Variants in RBFOX3 observed in about 807,000 individuals in gnomAD.
RBFOX3 encodes the protein RNA binding protein fox-1 homolog 3.
In RBFOX3, 17 loss-of-function variants were observed where a neutral mutation model predicts 48.7. The ratio of observed to expected loss-of-function variants is 0.35; its 90% CI spans 0.24 to 0.52. The LOEUF (loss-of-function observed/expected upper bound fraction) is 0.52. RBFOX3 is among the 20% of genes least tolerant of loss of function. The pLI is 0.94. For missense variants in RBFOX3, 382 were observed against 497.5 expected, an observed-to-expected ratio of 0.77 and a Z score of 2.21; for synonymous variants, 212 against 209.5, an observed-to-expected ratio of 1.01 and a Z score of -0.10.
intron 2 of RBFOX3, among the ~76,000 whole-genome samples, chr17:79,440,490 A>G (rs1246225115): frequency 6.6e-5 from 10 of 152,006 alleles, no homozygotes; most frequent in African/African-American, 2.4e-4. Flanking sequence ...AGACCAGGGG[A>G]GCCGAAGCCG....
In RBFOX3 at chr17:79,096,738, G is replaced by A. The variant is rs1382541553; in HGVS notation, c.851C>T (p.Pro284Leu). 5 of 1,536,784 alleles carry A rather than the reference G, an allele frequency of 3.3e-6. No homozygotes were observed. The highest frequency in any genetic ancestry group is 3.5e-6 in the Non-Finnish European group (4 of 1,133,558). The change falls in exon 12 of 15, where the codon CCC (proline) becomes CTC (leucine). Residue 284 changes from proline (P) to leucine (L), a missense_variant. Pro to Leu is a moderately conservative substitution (Grantham distance 98). Around this residue, in one of 3 missense-constraint regions of RBFOX3, gnomAD observed 215 missense variants for 254.8 expected, o/e 0.84. Transcript: ENST00000693108. Reference protein sequence around the residue: ...PPQQTPEPAYPTSPAFPPLSC... With the variant: ...PPQQTPEPAYLTSPAFPPLSC... ...AAGTGGTGGGAACGCTGGAGAGGTG[G>A]GGTAGGCCGGCTCCGGTGTCTGCTG...
intron 5 of RBFOX3, among the ~76,000 whole-genome samples, chr17:79,108,849 G>A (rs1184514330): frequency 2.0e-5 from 3 of 152,344 alleles, no homozygotes; most frequent in East Asian, 1.9e-4. Flanking sequence ...CTTCCCTGGC[G>A]ACAGCCCCTG....
rs1014373864 is a variant in RBFOX3 at position 79,252,462 on chromosome 17, C to T, written c.-73-16657G>A. On this transcript the variant is annotated intron_variant, in intron 3 of 14. Coordinates refer to ENST00000693108, the MANE Select transcript of RBFOX3 (RefSeq NM_001350451.2). The surrounding 1 kb of genome is among the most constrained non-coding windows in gnomAD (Gnocchi z 4.0). ...CACTCTGACCCTCCCTCTCTTCCTC[C>T]CCCATCCTCCAATCCATCATTGACT... 6.6e-6 allele frequency among the ~76,000 whole-genome samples: 1 copy of T among 152,136 alleles called. No individual in the cohort carries two copies. The highest frequency in any genetic ancestry group is 1.5e-5 in the Non-Finnish European group (1 of 68,022).
At chr17:79,191,459 A>C (rs1273009552) in intron 4 of RBFOX3, among the ~76,000 whole-genome samples, 1 of 152,224 alleles carries the variant, frequency 6.6e-6, no homozygotes, top group Non-Finnish European at 1.5e-5. Context: ...CTGCCCCTGC[A>C]TGCCCCCTAA....
In RBFOX3 at chr17:79,482,856, T is replaced by C. The variant is rs2078961233; in HGVS notation, c.-319-258A>G. On this transcript the variant is annotated intron_variant, in intron 1 of 14. Coordinates refer to ENST00000693108, the MANE Select transcript of RBFOX3 (RefSeq NM_001350451.2). The surrounding 1 kb of genome is among the most constrained non-coding windows in gnomAD (Gnocchi z 4.1). ...TGCCAAACAGCCACCGTGCAGTCCA[T>C]CCCAGGGTCCGCCCCTCTCCCAGCC... Among the ~76,000 whole-genome samples the C allele has an allele frequency of 6.6e-6, 1 of 151,892 alleles. No homozygotes were observed.
Position 79,421,205 on chromosome 17 carries a change from C to A in RBFOX3, c.-175+61249G>T, listed in dbSNP as rs181126404. On this transcript the variant is annotated intron_variant, in intron 2 of 14. Coordinates refer to ENST00000693108, the MANE Select transcript of RBFOX3 (RefSeq NM_001350451.2). The surrounding 1 kb of genome is among the most constrained non-coding windows in gnomAD (Gnocchi z 4.5). ...ACAGGCCTCCATGCCCTAACCTCCGCGGCCGCTTCTCTCAGCTGGTTCCAC... is the reference window on the plus strand; with the variant it reads ...ACAGGCCTCCATGCCCTAACCTCCGAGGCCGCTTCTCTCAGCTGGTTCCAC... 2.9e-4 allele frequency among the ~76,000 whole-genome samples: 44 copies of A among 152,344 alleles called. No homozygotes were observed. Among genetic ancestry groups the A allele is most frequent in the African/African-American group, 1.0e-3 (42 of 41,574 alleles).
At chr17:79,523,681 C>T (rs1181697738) in intron 1 of RBFOX3, among the ~76,000 whole-genome samples, 3 of 152,150 alleles carry the variant, frequency 2.0e-5, no homozygotes, top group Non-Finnish European at 4.4e-5. Flanking sequence ...GCCAGGATTC[C>T]GGTGAGGGAT....
chr17:79,318,661 T>C (rs1279499256), intron 2 of RBFOX3, among the ~76,000 whole-genome samples: 2 of 151,900 alleles, frequency 1.3e-5, no homozygotes, highest in East Asian at 3.9e-4. Flanking sequence ...TAGACCATCC[T>C]GGCTAACACG....
rs1047857509 is a variant in RBFOX3, at chr17:79,361,420, T to C, written c.-174-53596A>G. On this transcript the variant is annotated intron_variant, in intron 2 of 14. Coordinates refer to ENST00000693108, the MANE Select transcript of RBFOX3 (RefSeq NM_001350451.2). The surrounding 1 kb of genome is among the most constrained non-coding windows in gnomAD (Gnocchi z 4.5). The stretch of plus-strand genomic sequence containing the variant: ...GTGGAAAGATTAAACATCTCTCAGA[T>C]GCTGGGAGGACCCTCACGGTGGCCC... 6.6e-6 allele frequency among the ~76,000 whole-genome samples: 1 copy of C among 152,204 alleles called. No homozygotes were observed. The highest frequency in any genetic ancestry group is 2.4e-5 in the African/African-American group (1 of 41,452).
At chr17:79,375,353 C>T (rs1351310168) in intron 2 of RBFOX3, among the ~76,000 whole-genome samples, 2 of 98,582 alleles carry the variant, frequency 2.0e-5, no homozygotes, top group African/African-American at 7.2e-5. Context: ...GTTAGGAAGA[C>T]AGAAGACACA....
chr17:79,482,736 G>A lies in RBFOX3; in HGVS notation c.-319-138C>T, dbSNP rs1028593183. ...AACTGTTTGCCACCAGGGATCGAGG[G>A]ATTGAGGGATCAGCACCCTCCAAAG... On this transcript the variant is annotated intron_variant, in intron 1 of 14. Coordinates refer to ENST00000693108, the MANE Select transcript of RBFOX3 (RefSeq NM_001350451.2). The surrounding 1 kb of genome is among the most constrained non-coding windows in gnomAD (Gnocchi z 4.1). 6.6e-5 allele frequency: 10 copies of A among 152,284 alleles called. No homozygotes were observed. The highest frequency in any genetic ancestry group is 1.9e-4 in the African/African-American group (8 of 41,518). The allele number at this position is 152,284 out of a possible 1,614,324, so 9.4% of individuals were successfully genotyped here.
Position 79,362,196 on chromosome 17 carries a change from G to A in RBFOX3, c.-174-54372C>T, listed in dbSNP as rs1043697071. Among the ~76,000 whole-genome samples the A allele has an allele frequency of 5.3e-5, 8 of 152,222 alleles. No homozygotes were observed. Among genetic ancestry groups the A allele is most frequent in the South Asian group, 4.1e-4 (2 of 4,828 alleles). On this transcript the variant is annotated intron_variant, in intron 2 of 14. Coordinates refer to ENST00000693108, the MANE Select transcript of RBFOX3 (RefSeq NM_001350451.2). This position sits in a 1 kb window ranked among gnomAD's most constrained non-coding sequence, Gnocchi z 4.2. ...CAGAGTTTGCCTCCTGCCTCACACC[G>A]GGGTCTTTCAGCCTGAGGTGAGCGC...
At chr17:79,172,719 G>A (rs950773612) in intron 4 of RBFOX3, among the ~76,000 whole-genome samples, 5 of 152,202 alleles carry the variant, frequency 3.3e-5, no homozygotes, top group South Asian at 2.1e-4. Flanking sequence ...TCCTGGAAAC[G>A]TGGCTTGTCT....
chr17:79,611,130 T>TCTCTCCC (rs1491548376), upstream of RBFOX3, among the ~76,000 whole-genome samples: 33 of 37,816 alleles, frequency 8.7e-4, 1 homozygote, highest in South Asian at 9.4e-4. Flanking sequence ...TCCGCCCTCC[T>TCTCTCCC]TCTCTCTCTC....
At chr17:79,239,904 T>A (rs1454492727) in intron 3 of RBFOX3, among the ~76,000 whole-genome samples, 2 of 152,264 alleles carry the variant, frequency 1.3e-5, no homozygotes, top group Non-Finnish European at 2.9e-5. Flanking sequence ...TCTTGGGGAA[T>A]CCCAGCCACG....
intron 3 of RBFOX3, among the ~76,000 whole-genome samples, chr17:79,263,270 C>G (rs1305472256): frequency 6.6e-6 from 1 of 152,256 alleles, no homozygotes; most frequent in Non-Finnish European, 1.5e-5. Context: ...GATTTCTGCT[C>G]TTTCCTCTCT....
At chr17:79,092,032 T>C in intron 14 of RBFOX3, 1 of 985,422 alleles carries the variant, frequency 1.0e-6, no homozygotes, top group Non-Finnish European at 1.2e-6. Flanking sequence ...GTTGGCTGGG[T>C]GAAGGCCTGC....
the RBFOX3 span, among the ~76,000 whole-genome samples, chr17:79,659,832 C>T: frequency 6.6e-6 from 1 of 152,114 alleles, no homozygotes; most frequent in Non-Finnish European, 1.5e-5. Flanking sequence ...CCCCTCTTCC[C>T]TCCCCTTCCC....
intron 4 of RBFOX3, among the ~76,000 whole-genome samples, chr17:79,225,288 A>ATTTTTT (rs2060182740): frequency 1.1e-5 from 1 of 87,220 alleles, no homozygotes; most frequent in Non-Finnish European, 2.3e-5. Flanking sequence ...CCCTCCCTCC[A>ATTTTTT]TTCTTTTTTT....
Sources: gnomAD v4.1 joint callset for allele counts (sites outside exome capture counted in the v4.1 genomes callset) on GRCh38, gnomAD v4.1.1 for gene constraint, gnomAD v4.1.1 regional missense constraint, Gnocchi (gnomAD v3.1) non-coding constraint, MANE v1.5 for transcripts, NCBI Gene and HGNC (gene_info 2026-07-23, HGNC 2026-07-21) for gene names.